DOCK3: variants seen among roughly 807,000 people sequenced by gnomAD.
The protein encoded by DOCK3 is dedicator of cytokinesis 3.
In DOCK3, 60 loss-of-function variants were observed where a neutral mutation model predicts 265.6. That is an observed-to-expected ratio of 0.23 (90% CI 0.18 to 0.28). The LOEUF is 0.28. Ranked by LOEUF, DOCK3 falls within the 10% of genes least tolerant of loss-of-function variation. The probability of loss-of-function intolerance (pLI) is 1.00; values close to 1 mark genes in which losing one functional copy is unlikely to be tolerated. For missense variants in DOCK3, 1,981 were observed against 2,594.3 expected, an observed-to-expected ratio of 0.76 and a Z score of 5.14; for synonymous variants, 881 against 938.0, an observed-to-expected ratio of 0.94 and a Z score of 1.11.
intron 1 of DOCK3, among the ~76,000 whole-genome samples, chr3:50,679,193 C>T (rs755780367): frequency 6.6e-6 from 1 of 152,164 alleles, no homozygotes; most frequent in Non-Finnish European, 1.5e-5. Context: ...AGGCTTGTCT[C>T]AAACTGCTGG....
At chr3:51,151,667 A>G (rs1211831869) in intron 10 of DOCK3, among the ~76,000 whole-genome samples, 2 of 152,164 alleles carry the variant, frequency 1.3e-5, no homozygotes, top group African/African-American at 2.4e-5. Flanking sequence ...TGCTTCCTTC[A>G]GGAGCTCTTG....
chr3:51,181,371 A>G (rs1382371539), intron 12 of DOCK3, among the ~76,000 whole-genome samples: 1 of 141,752 alleles, frequency 7.1e-6, no homozygotes, highest in African/African-American at 2.7e-5. Context: ...CCCAGCTATG[A>G]GTGAGAACAT....
At chr3:50,930,993 G>C (rs372889322) in intron 4 of DOCK3, among the ~76,000 whole-genome samples, 7 of 152,264 alleles carry the variant, frequency 4.6e-5, no homozygotes, top group African/African-American at 1.7e-4. Flanking sequence ...GAGGCTCCGG[G>C]CCTGGGGGTG....
chr3:50,914,082 G>T, intron 4 of DOCK3, among the ~76,000 whole-genome samples: 1 of 128,290 alleles, frequency 7.8e-6, no homozygotes, highest in Non-Finnish European at 1.8e-5. Context: ...TATTTATTTG[G>T]GTCTTTTTTT....
intron 40 of DOCK3, among the ~76,000 whole-genome samples, chr3:51,351,538 A>G (rs1259472779): frequency 6.6e-6 from 1 of 152,178 alleles, no homozygotes; most frequent in Non-Finnish European, 1.5e-5. Flanking sequence ...CTGTGTGAGC[A>G]CTGGCAATAT....
intron 4 of DOCK3, among the ~76,000 whole-genome samples, chr3:50,890,798 T>C (rs553525356): frequency 6.6e-6 from 1 of 152,216 alleles, no homozygotes; most frequent in African/African-American, 2.4e-5. Flanking sequence ...TGGTCAGTTA[T>C]GGTTCATTCA....
At chr3:51,059,358 G>C (rs2081320765) in intron 5 of DOCK3, among the ~76,000 whole-genome samples, 1 of 151,706 alleles carries the variant, frequency 6.6e-6, no homozygotes, top group African/African-American at 2.4e-5. Flanking sequence ...ATTTATTGAG[G>C]GGGAAATGCA....
At chr3:50,842,317 G>T (rs902641875) in intron 3 of DOCK3, among the ~76,000 whole-genome samples, 1 of 151,878 alleles carries the variant, frequency 6.6e-6, no homozygotes, top group South Asian at 2.1e-4. Flanking sequence ...AGCTTTTCTT[G>T]TATGTTTCTG....
At chr3:51,380,048 T>C (rs1461836193) in intron 51 of DOCK3, 77 bp from the exon 52 acceptor site, 24 of 1,413,594 alleles carry the variant, frequency 1.7e-5, no homozygotes, top group Non-Finnish European at 2.2e-5. Context: ...GCCTGCCCAG[T>C]TGGCCCAGCA....
At position 51,033,269 on chromosome 3, in the gene DOCK3, G is replaced by A. The variant is rs917849646; in HGVS notation, c.316-31179G>A. Reference sequence around the variant, plus strand: ...GCATTTTTCTGCTAAAGCTTTGGCTGACTTTCTCAAAACAATCTCATAATA... The same window carrying A: ...GCATTTTTCTGCTAAAGCTTTGGCTAACTTTCTCAAAACAATCTCATAATA... On this transcript the variant is annotated intron_variant, in intron 5 of 52. Coordinates refer to ENST00000266037, the MANE Select transcript of DOCK3 (RefSeq NM_004947.5). Among the ~76,000 whole-genome samples the A allele has an allele frequency of 3.3e-5, 5 of 152,184 alleles. No homozygotes were observed. The East Asian group carries it at 9.6e-4, about 29-fold the overall frequency.
Position 51,374,407 on chromosome 3 carries a change from G to T in DOCK3, c.5294-62G>T. On this transcript the variant is annotated intron_variant, in intron 49 of 52. Coordinates refer to ENST00000266037, the MANE Select transcript of DOCK3 (RefSeq NM_004947.5). The surrounding 1 kb of genome is among the most constrained non-coding windows in gnomAD (Gnocchi z 4.8). ...TGGTTCCCTAGTCCTGAGGATGCTT[G>T]ACTGCTGGACCCTCCATCTGTGGCT... is the stretch of plus-strand genomic sequence containing the variant. 1.3e-6 allele frequency: 2 copies of T among 1,508,070 alleles called. No homozygotes were observed. Among genetic ancestry groups the T allele is most frequent in the South Asian group, 1.2e-5 (1 of 84,094 alleles). The allele number at this position is 1,508,070 out of a possible 1,614,324, so 93.4% of individuals were successfully genotyped here. A position where few individuals can be genotyped will look rare whatever the true frequency, so the allele number is the denominator to read the frequency against.
At position 51,348,877 on chromosome 3, in the gene DOCK3, G is replaced by T. The variant is rs774833851; in HGVS notation, c.3941G>T (p.Cys1314Phe). The change falls in exon 39 of 53, where the codon TGC becomes TTC. Residue 1314 changes from cysteine (C) to phenylalanine (F), a missense_variant. By Grantham distance (205) the Cys-to-Phe change is radical (BLOSUM62 -2). Coordinates refer to ENST00000266037, the MANE Select transcript of DOCK3 (RefSeq NM_004947.5). The part of the protein sequence containing the change: ...GKSWEFGIPL[C>F]RELACQYESL... ...AGCTGGGAGTTTGGGATCCCACTGT[G>T]CAGGGAGCTGGCGTGTCAGTACGAG... is the stretch of plus-strand genomic sequence containing the variant. The T allele has an allele frequency of 1.7e-5, 27 of 1,584,314 alleles. No individual in the cohort carries two copies. Among genetic ancestry groups the T allele is most frequent in the Non-Finnish European group, 2.3e-5 (27 of 1,165,148 alleles).
At chr3:51,261,193 T>A (rs943940103) in intron 23 of DOCK3, among the ~76,000 whole-genome samples, 5 of 151,554 alleles carry the variant, frequency 3.3e-5, no homozygotes, top group Non-Finnish European at 7.4e-5. Context: ...GCAGGTGATT[T>A]CTGCATTTCC....
chr3:50,993,120 C>G (rs899805543), intron 5 of DOCK3, among the ~76,000 whole-genome samples: 1 of 152,140 alleles, frequency 6.6e-6, no homozygotes, highest in East Asian at 1.9e-4. Context: ...TCTAGTTCTC[C>G]TATCTCTGGA....
At chr3:51,113,389 ACT>A (rs1392157788) in intron 9 of DOCK3, among the ~76,000 whole-genome samples, 2 of 152,006 alleles carry the variant, frequency 1.3e-5, no homozygotes, top group African/African-American at 4.8e-5. Context: ...CAGTTGCCAA[ACT>A]CTGGGCTTCC....
intron 1 of DOCK3, among the ~76,000 whole-genome samples, chr3:50,752,126 CAA>C (rs1307396484): frequency 1.3e-5 from 2 of 152,002 alleles, no homozygotes; most frequent in Admixed American, 1.3e-4. Flanking sequence ...GGAAGGTTGT[CAA>C]ATAGAAAATA....
intron 12 of DOCK3, among the ~76,000 whole-genome samples, chr3:51,181,171 G>C (rs2087269324): frequency 6.6e-6 from 1 of 151,966 alleles, no homozygotes; most frequent in Non-Finnish European, 1.5e-5. Flanking sequence ...AAGTTCTAGG[G>C]TACATGGGCA....
At chr3:50,713,496 G>T (rs2036900191) in intron 1 of DOCK3, among the ~76,000 whole-genome samples, 1 of 152,118 alleles carries the variant, frequency 6.6e-6, no homozygotes, top group South Asian at 2.1e-4. Flanking sequence ...AACTTGTTGA[G>T]AATTTATTTT....
chr3:51,201,287 G>A lies in DOCK3; in HGVS notation c.1038-7487G>A, dbSNP rs548548295. Among the ~76,000 whole-genome samples the A allele has an allele frequency of 3.9e-4, 59 of 150,504 alleles. 1 individual carries two copies. The highest frequency in any genetic ancestry group is 3.5e-3 in the Middle Eastern group (1 of 288). Reference sequence around the variant, plus strand: ...GCTGTATTCAGGAAACCCATCTCACGTGCAGAGACACACATAGGCTCAAAA... The same window carrying A: ...GCTGTATTCAGGAAACCCATCTCACATGCAGAGACACACATAGGCTCAAAA... On this transcript the variant is annotated intron_variant, in intron 12 of 52. Coordinates refer to ENST00000266037, the MANE Select transcript of DOCK3 (RefSeq NM_004947.5).
Sources: allele counts gnomAD v4.1 joint callset (sites outside exome capture counted in the v4.1 genomes callset), GRCh38; gene constraint gnomAD v4.1.1; non-coding constraint Gnocchi (gnomAD v3.1); transcripts MANE v1.5; gene names NCBI Gene and HGNC (gene_info 2026-07-23, HGNC 2026-07-21).